Variants in MTMR3 observed in about 807,000 individuals in gnomAD.
MTMR3 encodes myotubularin related protein 3.
Under a neutral mutation model 132.4 loss-of-function variants are expected in MTMR3, and 32 were observed. The ratio of observed to expected loss-of-function variants is 0.24; its 90% CI spans 0.18 to 0.32. The LOEUF (loss-of-function observed/expected upper bound fraction) is 0.32, where lower values mean the gene tolerates loss of function less well. MTMR3 is among the 10% of genes least tolerant of loss of function. The probability of loss-of-function intolerance (pLI) is 1.00; values close to 1 mark genes in which losing one functional copy is unlikely to be tolerated. For synonymous variants in MTMR3, 556 were observed against 550.3 expected, an observed-to-expected ratio of 1.01 and a Z score of -0.14; for missense variants, 1,216 against 1,489.6, an observed-to-expected ratio of 0.82 and a Z score of 3.02.
chr22:29,957,383 T>C (rs2145844642), intron 2 of MTMR3, among the ~76,000 whole-genome samples: 1 of 151,940 alleles, frequency 6.6e-6, no homozygotes, highest in African/African-American at 2.4e-5. Context: ...TAATCATTTG[T>C]CTAAAATAAA....
At chr22:29,970,955 C>CG in intron 2 of MTMR3, 21 bp from the exon 3 acceptor site, 2 of 770,488 alleles carry the variant, frequency 2.6e-6, no homozygotes, top group Non-Finnish European at 3.9e-6. Context: ...TCTTCTTCCC[C>CG]CTCTTCCCCC....
chr22:29,927,376 GATGT>G (rs1291995016), intron 1 of MTMR3, among the ~76,000 whole-genome samples: 1 of 152,126 alleles, frequency 6.6e-6, no homozygotes, highest in Non-Finnish European at 1.5e-5. Flanking sequence ...TCAGCTTGTT[GATGT>G]ATGCAAAAAG....
intron 1 of MTMR3, among the ~76,000 whole-genome samples, chr22:29,896,869 T>TCTCACACACACACACACACACA (rs145703649): frequency 1.4e-5 from 2 of 138,146 alleles, no homozygotes; most frequent in Non-Finnish European, 3.1e-5. Context: ...CAGGCTTGTC[T>TCTCACACACACACACACACACA]CACACACACA....
chr22:29,985,932 A>G (rs928497600), intron 5 of MTMR3: 1 of 152,208 alleles, frequency 6.6e-6, no homozygotes, highest in African/African-American at 2.4e-5. Context: ...GTTTAGTAAT[A>G]AGGATGTAAA....
chr22:29,951,828 C>G (rs1046963156), intron 1 of MTMR3, among the ~76,000 whole-genome samples: 2 of 150,250 alleles, frequency 1.3e-5, no homozygotes, highest in African/African-American at 4.9e-5. Context: ...AGAGTTTTCA[C>G]TTGTTAATAG....
chr22:30,016,220 C>T (rs989856371), intron 14 of MTMR3: 4 of 290,264 alleles, frequency 1.4e-5, no homozygotes, highest in Non-Finnish European at 2.0e-5. Context: ...TGTACACTGA[C>T]GTGCTCCTGC....
chr22:29,892,698 G>T (rs1245998387), intron 1 of MTMR3, among the ~76,000 whole-genome samples: 2 of 152,112 alleles, frequency 1.3e-5, no homozygotes, highest in African/African-American at 4.8e-5. Context: ...TTTCATGTGG[G>T]TCATTGGCAG....
At chr22:29,986,767 G>A (rs1262291951) in intron 5 of MTMR3, 4 of 201,132 alleles carry the variant, frequency 2.0e-5, no homozygotes, top group South Asian at 1.7e-4. Context: ...GGATTCAAGC[G>A]ATTCTCCCGC....
At chr22:29,915,742 G>A (rs1188584978) in intron 1 of MTMR3, among the ~76,000 whole-genome samples, 1 of 152,044 alleles carries the variant, frequency 6.6e-6, no homozygotes, top group Non-Finnish European at 1.5e-5. Context: ...CCTTTTAATT[G>A]TTGTTATTAA....
At chr22:29,946,748 G>GT (rs11312978) in intron 1 of MTMR3, among the ~76,000 whole-genome samples, 17 of 149,412 alleles carry the variant, frequency 1.1e-4, no homozygotes, top group Non-Finnish European at 1.5e-4. Flanking sequence ...AATTGGAAAA[G>GT]TTTTTTTTTT....
intron 1 of MTMR3, among the ~76,000 whole-genome samples, chr22:29,948,405 CATTCTT>C (rs986896139): frequency 4.6e-4 from 70 of 152,290 alleles, no homozygotes; most frequent in African/African-American, 1.6e-3. Flanking sequence ...CAAAATAAAA[CATTCTT>C]ATACTGATAA....
At chr22:30,015,999 A>G (rs750561942) in intron 14 of MTMR3, 3 of 153,946 alleles carry the variant, frequency 1.9e-5, no homozygotes, top group African/African-American at 4.8e-5. Context: ...GCACTGCCTC[A>G]TATGTGTCCT....
At chr22:29,951,696 A>G (rs1308411603) in intron 1 of MTMR3, among the ~76,000 whole-genome samples, 1 of 152,204 alleles carries the variant, frequency 6.6e-6, no homozygotes. Flanking sequence ...GAATGTATTT[A>G]GAACCTTTCC....
intron 2 of MTMR3, among the ~76,000 whole-genome samples, chr22:29,964,468 G>A (rs938065165): frequency 3.9e-5 from 6 of 152,096 alleles, no homozygotes; most frequent in Non-Finnish European, 8.8e-5. Flanking sequence ...TTTTCTTATG[G>A]ATTTGGAATT....
intron 10 of MTMR3, chr22:30,007,654 AAG>A: frequency 1.8e-6 from 1 of 569,444 alleles, no homozygotes; most frequent in Non-Finnish European, 3.1e-6. Context: ...AATGAAGTAT[AAG>A]AGACTGGGCT....
At chr22:29,991,885 T>G in intron 7 of MTMR3, 1 of 425,010 alleles carries the variant, frequency 2.4e-6, no homozygotes, top group Non-Finnish European at 4.1e-6. Flanking sequence ...CACAATCTAT[T>G]GGGCCTAAAA....
chr22:29,964,758 C>T (rs73398645), intron 2 of MTMR3, among the ~76,000 whole-genome samples: 2,518 of 152,260 alleles, frequency 0.017, 67 homozygotes, highest in African/African-American at 0.058. Flanking sequence ...TCCATTCACC[C>T]CACATCAACC....
chr22:29,886,119 A>G (rs1301561680), intron 1 of MTMR3, among the ~76,000 whole-genome samples: 3 of 152,194 alleles, frequency 2.0e-5, no homozygotes, highest in Non-Finnish European at 2.9e-5. Context: ...AGTGAATACT[A>G]TTGATATGGG....
At chr22:29,903,627 G>T (rs1355054679) in intron 1 of MTMR3, among the ~76,000 whole-genome samples, 1 of 151,882 alleles carries the variant, frequency 6.6e-6, no homozygotes, top group Non-Finnish European at 1.5e-5. Context: ...TCCTGGGCTC[G>T]AGAGATCCGC....
Sources: gnomAD v4.1 joint callset for allele counts (sites outside exome capture counted in the v4.1 genomes callset) on GRCh38, gnomAD v4.1.1 for gene constraint, MANE v1.5 for transcripts, NCBI Gene and HGNC (gene_info 2026-07-23, HGNC 2026-07-21) for gene names.